The following SYT16 variants were observed in gnomAD, a reference collection of about 807,000 sequenced individuals.
SYT16 encodes the protein synaptotagmin 16.
A neutral mutation model predicts 61.4 loss-of-function variants in SYT16; 42 were observed. The ratio of observed to expected loss-of-function variants is 0.68; its 90% CI spans 0.53 to 0.89. SYT16 has a LOEUF of 0.89. SYT16 is among the 40% of genes least tolerant of loss of function. The pLI is 0.00. For synonymous variants in SYT16, 314 were observed against 302.3 expected, an observed-to-expected ratio of 1.04 and a Z score of -0.40; for missense variants, 804 against 807.3, an observed-to-expected ratio of 1.00 and a Z score of 0.05.
chr14:62,026,621 C>T (rs1959337), intron 3 of SYT16, among the ~76,000 whole-genome samples: 93,238 of 152,062 alleles, frequency 0.61, 30,446 homozygotes, highest in African/African-American at 0.85. Context: ...CACAGTCAAA[C>T]CATAGCCCCC....
intron 1 of SYT16, among the ~76,000 whole-genome samples, chr14:61,902,263 C>T (rs941835143): frequency 6.6e-6 from 1 of 152,132 alleles, no homozygotes; most frequent in East Asian, 1.9e-4. Flanking sequence ...AAATTACTTG[C>T]GATTCTCTCA....
rs2057578470 is a variant in SYT16 at position 62,109,930 on chromosome 14, G to T, written c.*9223G>T. The T allele has an allele frequency of 6.6e-6, 1 of 152,146 alleles. No individual in the cohort carries two copies. Among genetic ancestry groups the T allele is most frequent in the South Asian group, 2.1e-4 (1 of 4,828 alleles). 9.4% of individuals were successfully genotyped at this position (152,146 alleles called of 1,614,324 possible). ...AGCATCTGGCTCACACAGCAGCTCT[G>T]AATTCTGAATGAAAAGATAACCCAT... is the stretch of plus-strand genomic sequence containing the variant. On this transcript the variant is annotated 3_prime_UTR_variant, in exon 8 of 8. Transcript: ENST00000683842.
At chr14:62,057,820 A>C (rs1448388773) in intron 3 of SYT16, among the ~76,000 whole-genome samples, 7 of 152,274 alleles carry the variant, frequency 4.6e-5, no homozygotes, top group South Asian at 4.1e-4. Context: ...CACATACATA[A>C]AGTATACAAG....
intron 2 of SYT16, among the ~76,000 whole-genome samples, chr14:61,988,074 T>G (rs1190883621): frequency 2.6e-5 from 4 of 152,154 alleles, no homozygotes; most frequent in African/African-American, 9.7e-5. Context: ...CTTCATACTG[T>G]GGATGTTATT....
intron 1 of SYT16, among the ~76,000 whole-genome samples, chr14:61,900,861 A>G (rs1004153963): frequency 2.0e-5 from 3 of 152,200 alleles, no homozygotes; most frequent in African/African-American, 4.8e-5. Context: ...AAAGACATCC[A>G]ATGGAGAAGA....
At chr14:61,865,444 G>A (rs1465058723) in intron 1 of SYT16, among the ~76,000 whole-genome samples, 1 of 152,168 alleles carries the variant, frequency 6.6e-6, no homozygotes. Context: ...GATCCTCCAG[G>A]CCTCATCAGC....
At chr14:61,864,663 CT>C in intron 1 of SYT16, among the ~76,000 whole-genome samples, 1 of 152,354 alleles carries the variant, frequency 6.6e-6, no homozygotes. Context: ...CTCTCAGGCC[CT>C]TTTATGCCGG....
intron 7 of SYT16, among the ~76,000 whole-genome samples, chr14:62,099,694 A>G (rs2057368629): frequency 6.6e-6 from 1 of 152,188 alleles, no homozygotes; most frequent in Non-Finnish European, 1.5e-5. Flanking sequence ...CCTGGGCAAC[A>G]TAGGGAGACC....
chr14:62,008,404 T>G (rs992697811), intron 3 of SYT16, among the ~76,000 whole-genome samples: 15 of 152,124 alleles, frequency 9.9e-5, no homozygotes, highest in African/African-American at 3.6e-4. Flanking sequence ...TGAAACATTT[T>G]TAAAACAGAA....
intron 1 of SYT16, among the ~76,000 whole-genome samples, chr14:61,961,380 G>A (rs924223209): frequency 9.9e-5 from 15 of 151,960 alleles, no homozygotes; most frequent in African/African-American, 3.6e-4. Context: ...TCCAACAAAG[G>A]TCTAATATTC....
At chr14:62,086,808 G>A (rs1031427445) in intron 7 of SYT16, among the ~76,000 whole-genome samples, 5 of 152,214 alleles carry the variant, frequency 3.3e-5, no homozygotes, top group Non-Finnish European at 5.9e-5. Flanking sequence ...CATAGGCATA[G>A]TGTTGCAATA....
chr14:61,844,158 A>T (rs1244228747), intron 1 of SYT16, among the ~76,000 whole-genome samples: 1 of 152,098 alleles, frequency 6.6e-6, no homozygotes, highest in Non-Finnish European at 1.5e-5. Flanking sequence ...TGTGGCTATT[A>T]TAAATGGTAT....
intron 1 of SYT16, among the ~76,000 whole-genome samples, chr14:61,871,335 A>C (rs1303300989): frequency 6.6e-6 from 1 of 151,888 alleles, no homozygotes; most frequent in East Asian, 1.9e-4. Flanking sequence ...TTCTTAATAC[A>C]CATGTGCTGA....
intron 1 of SYT16, among the ~76,000 whole-genome samples, chr14:61,825,852 C>T (rs981507889): frequency 6.6e-6 from 1 of 152,046 alleles, no homozygotes; most frequent in African/African-American, 2.4e-5. Context: ...AATTATTTAT[C>T]TAATTTTTGG....
intron 3 of SYT16, among the ~76,000 whole-genome samples, chr14:62,007,034 T>G (rs1355942590): frequency 6.6e-6 from 1 of 152,182 alleles, no homozygotes; most frequent in Admixed American, 6.5e-5. Flanking sequence ...TAATGTAACA[T>G]GGAAGGGAAA....
At chr14:61,824,929 T>A (rs973192739) in intron 1 of SYT16, among the ~76,000 whole-genome samples, 1 of 152,254 alleles carries the variant, frequency 6.6e-6, no homozygotes, top group African/African-American at 2.4e-5. Context: ...GAACTTGTGC[T>A]TGTATATGCT....
intron 2 of SYT16, among the ~76,000 whole-genome samples, chr14:61,995,642 C>T (rs1264768141): frequency 6.6e-6 from 1 of 152,056 alleles, no homozygotes; most frequent in Non-Finnish European, 1.5e-5. Flanking sequence ...TCTCAGTCCA[C>T]GTGAACAGAA....
chr14:61,894,896 A>G (rs2140345367), intron 1 of SYT16, among the ~76,000 whole-genome samples: 1 of 152,334 alleles, frequency 6.6e-6, no homozygotes, highest in African/African-American at 2.4e-5. Flanking sequence ...TCAAATTACC[A>G]AAGAGATGGG....
intron 1 of SYT16, among the ~76,000 whole-genome samples, chr14:61,884,458 C>T (rs2047819493): frequency 1.3e-5 from 2 of 152,182 alleles, no homozygotes; most frequent in African/African-American, 4.8e-5. Context: ...AGGCACTGTG[C>T]TTCAGTCAAT....
Sources: gnomAD v4.1 joint callset for allele counts (sites outside exome capture counted in the v4.1 genomes callset) on GRCh38, gnomAD v4.1.1 for gene constraint, MANE v1.5 for transcripts, NCBI Gene and HGNC (gene_info 2026-07-23, HGNC 2026-07-21) for gene names.